The following SMR3B variants were observed in gnomAD, a reference collection of about 807,000 sequenced individuals.
SMR3B encodes submaxillary gland androgen-regulated protein 3B.
For synonymous variants in SMR3B, 42 were observed against 36.1 expected (o/e 1.16, Z -0.59); for missense variants, 114 against 99.9 (o/e 1.14, Z -0.60).
At chr4:70,384,051 A>G (rs1381427017) in intron 1 of SMR3B, among the ~76,000 whole-genome samples, 1 of 152,068 alleles carries the variant, frequency 6.6e-6, no homozygotes, top group African/African-American at 2.4e-5. Context: ...CTTCCAAGCA[A>G]TAAAATTTGT....
Position 70,389,974 on chromosome 4 carries a change from A to C in SMR3B, c.*126A>C, listed in dbSNP as rs1266430654. The C allele has an allele frequency of 2.6e-6, 4 of 1,563,596 alleles. No homozygotes were observed. The highest frequency in any genetic ancestry group is 1.1e-5 in the South Asian group (1 of 89,960). On this transcript the variant is annotated 3_prime_UTR_variant, in exon 3 of 3. Coordinates refer to ENST00000304915, the MANE Select transcript of SMR3B (RefSeq NM_006685.4). ...CTGATCCTACCCTCCCTACTCCTGC[A>C]CCCCAAATATGAACAACTGCAGCAG...
At chr4:70,389,434 C>G (rs1028007250) in intron 2 of SMR3B, among the ~76,000 whole-genome samples, 10 of 152,114 alleles carry the variant, frequency 6.6e-5, no homozygotes, top group Non-Finnish European at 1.5e-4. Context: ...TGATTCAAAG[C>G]CCAGAGAAAA....
In SMR3B at chr4:70,385,515, T is replaced by C. The variant is rs1401861312; in HGVS notation, c.54+951T>C. On this transcript the variant is annotated intron_variant, in intron 2 of 2. Coordinates refer to ENST00000304915, the MANE Select transcript of SMR3B (RefSeq NM_006685.4). ...GCCTCCCGGGTTCGCGCCATTCTCC[T>C]GCCTCAGCCTCCGGTGTAGCTGGGA... 8.7e-5 allele frequency among the ~76,000 whole-genome samples: 13 copies of C among 149,526 alleles called. No homozygotes were observed. The South Asian group carries it at 2.8e-3, about 32-fold the overall frequency.
chr4:70,388,942 G>A (rs1732711616), intron 2 of SMR3B, among the ~76,000 whole-genome samples: 1 of 152,100 alleles, frequency 6.6e-6, no homozygotes, highest in South Asian at 2.1e-4. Flanking sequence ...TCGACTATAG[G>A]CAAAGGATAA....
intron 1 of SMR3B, 48 bp from the exon 2 acceptor site, chr4:70,384,449 T>C: frequency 2.5e-6 from 4 of 1,591,884 alleles, no homozygotes; most frequent in Non-Finnish European, 3.4e-6. Flanking sequence ...AAATAGTACT[T>C]TTTAATAAAA....
rs751349249 is a variant in SMR3B, at chr4:70,389,650, C to T, written c.55-13C>T. On this transcript the variant is annotated splice_polypyrimidine_tract_variant and intron_variant, in intron 2 of 2. Coordinates refer to ENST00000304915, the MANE Select transcript of SMR3B (RefSeq NM_006685.4). The stretch of plus-strand genomic sequence containing the variant: ...ATATCTGATTTGAAATTATTTACTT[C>T]TTATTTCCACAGCCTGGTGAGAGTC... 108 of 1,610,274 alleles carry T rather than the reference C, an allele frequency of 6.7e-5. No homozygotes were observed. Among genetic ancestry groups the T allele is most frequent in the Non-Finnish European group, 8.7e-5 (102 of 1,177,674 alleles).
intron 2 of SMR3B, among the ~76,000 whole-genome samples, chr4:70,388,551 A>G (rs1272147210): frequency 6.6e-6 from 1 of 152,034 alleles, no homozygotes; most frequent in Non-Finnish European, 1.5e-5. Context: ...TATTAACGTC[A>G]TTTTTCTGAT....
chr4:70,386,518 G>C (rs966735061), intron 2 of SMR3B, among the ~76,000 whole-genome samples: 2 of 151,920 alleles, frequency 1.3e-5, no homozygotes, highest in Non-Finnish European at 2.9e-5. Context: ...TAGGTTCAAA[G>C]TATCCGTGTC....
In SMR3B at chr4:70,389,802, C is replaced by T. The variant is rs148434861; in HGVS notation, c.194C>T (p.Ala65Val). The T allele has an allele frequency of 2.2e-5, 35 of 1,613,870 alleles. No homozygotes were observed. The highest frequency in any genetic ancestry group is 3.0e-5 in the Non-Finnish European group (35 of 1,179,934). The change falls in exon 3 of 3, where the codon GCA (alanine) becomes GTA (valine). Residue 65 changes from alanine (A) to valine (V), a missense_variant. By Grantham distance (64) the Ala-to-Val change is moderately conservative. Transcript: ENST00000304915. ...GPGRIPPPPP[A>V]PYGPGIFPPP... ...GGGAGAATCCCACCTCCTCCTCCCG[C>T]ACCCTATGGTCCAGGGATATTTCCA...
chr4:70,390,226 A>C lies in SMR3B; in HGVS notation c.*378A>C. 1 of 501,508 alleles carries C rather than the reference A, an allele frequency of 2.0e-6. No homozygotes were observed. Among genetic ancestry groups the C allele is most frequent in the Non-Finnish European group, 3.6e-6 (1 of 277,182 alleles). The allele number at this position is 501,508 out of a possible 1,614,324, so 31.1% of individuals were successfully genotyped here. A position where few individuals can be genotyped will look rare whatever the true frequency, so the allele number is the denominator to read the frequency against. ...TAACATTTATACCAATGAGGCAAAA[A>C]TAAAGAATTGAGCACCAATATGAAG... On this transcript the variant is annotated 3_prime_UTR_variant, in exon 3 of 3. Transcript: ENST00000304915.
In SMR3B at chr4:70,389,800, C is replaced by G; in HGVS notation, c.192C>G (p.Pro64=). ...YGPGRIPPPP[P]APYGPGIFPP... ...CAGGGAGAATCCCACCTCCTCCTCC[C>G]GCACCCTATGGTCCAGGGATATTTC... Residue 64 remains proline (P), a synonymous_variant, in exon 3 of 3, where the codon CCC becomes CCG. Coordinates refer to ENST00000304915, the MANE Select transcript of SMR3B (RefSeq NM_006685.4). 1 of 1,613,778 alleles carries G rather than the reference C, an allele frequency of 6.2e-7. No homozygotes were observed. The highest frequency in any genetic ancestry group is 8.5e-7 in the Non-Finnish European group (1 of 1,179,892).
At chr4:70,385,429 AC>A (rs1732643216) in intron 2 of SMR3B, among the ~76,000 whole-genome samples, 1 of 132,178 alleles carries the variant, frequency 7.6e-6, no homozygotes, top group African/African-American at 2.9e-5. Context: ...TTTGAAACAG[AC>A]TCTCGCTCTG....
At chr4:70,385,369 C>A in intron 2 of SMR3B, among the ~76,000 whole-genome samples, 2 of 145,502 alleles carry the variant, frequency 1.4e-5, no homozygotes, top group African/African-American at 5.2e-5. Flanking sequence ...AAACATGAAA[C>A]ATAAAATAAT....
chr4:70,384,373 C>A, intron 1 of SMR3B, 124 bp from the exon 2 acceptor site: 1 of 1,478,034 alleles, frequency 6.8e-7, no homozygotes, highest in Non-Finnish European at 9.1e-7. Flanking sequence ...TAACATTAGG[C>A]AAATTCCCTA....
At chr4:70,384,395 G>T in intron 1 of SMR3B, 102 bp from the exon 2 acceptor site, 1 of 1,547,890 alleles carries the variant, frequency 6.5e-7, no homozygotes, top group Admixed American at 1.9e-5. Context: ...AAATGCTATA[G>T]TAGGATATTT....
At chr4:70,385,946 T>C (rs534367714) in intron 2 of SMR3B, among the ~76,000 whole-genome samples, 8 of 152,088 alleles carry the variant, frequency 5.3e-5, no homozygotes, top group Non-Finnish European at 1.0e-4. Context: ...GCTTTTATTA[T>C]ATAAATTTTT....
At chr4:70,386,974 G>C (rs1732677345) in intron 2 of SMR3B, among the ~76,000 whole-genome samples, 1 of 152,188 alleles carries the variant, frequency 6.6e-6, no homozygotes. Context: ...TTCTACAGAA[G>C]TGCCTTGGTA....
chr4:70,386,523 C>T (rs567093850), intron 2 of SMR3B, among the ~76,000 whole-genome samples: 1 of 151,856 alleles, frequency 6.6e-6, no homozygotes, highest in African/African-American at 2.4e-5. Flanking sequence ...TCAAAGTATC[C>T]GTGTCTTAGA....
At position 70,390,102 on chromosome 4, in the gene SMR3B, T is replaced by G; in HGVS notation, c.*254T>G. 3 of 779,022 alleles carry G rather than the reference T, an allele frequency of 3.9e-6. No homozygotes were observed. The highest frequency in any genetic ancestry group is 6.6e-6 in the Non-Finnish European group (3 of 452,942). 48.3% of individuals were successfully genotyped at this position (779,022 alleles called of 1,614,324 possible). ...GCTTCCAAGAGACATTTACATAAAA[T>G]TGCTTCCATTTTTGGATGAGAATGA... On this transcript the variant is annotated 3_prime_UTR_variant, in exon 3 of 3. Coordinates refer to ENST00000304915, the MANE Select transcript of SMR3B (RefSeq NM_006685.4).
Sources: allele counts gnomAD v4.1 joint callset (sites outside exome capture counted in the v4.1 genomes callset), GRCh38; gene constraint gnomAD v4.1.1; transcripts MANE v1.5; gene names NCBI Gene and HGNC (gene_info 2026-07-23, HGNC 2026-07-21).